Variants in KIAA1549L observed in about 807,000 individuals in gnomAD.
KIAA1549L encodes the protein UPF0606 protein KIAA1549L.
In KIAA1549L, 88 loss-of-function variants were observed where a neutral mutation model predicts 160.7. That is an observed-to-expected ratio of 0.55 (90% CI 0.46 to 0.65). KIAA1549L has a LOEUF of 0.65. KIAA1549L is among the 30% of genes least tolerant of loss of function. The pLI, the probability that KIAA1549L is intolerant of heterozygous loss-of-function variation, is 0.00. For synonymous variants in KIAA1549L, 950 were observed against 976.7 expected, an observed-to-expected ratio of 0.97 and a Z score of 0.51; for missense variants, 2,258 against 2,437.5, an observed-to-expected ratio of 0.93 and a Z score of 1.55.
At chr11:33,581,629 C>T (rs1335877243) in intron 10 of KIAA1549L, among the ~76,000 whole-genome samples, 6 of 152,130 alleles carry the variant, frequency 3.9e-5, no homozygotes, top group African/African-American at 9.7e-5. Context: ...AGTAGGCACT[C>T]GGGAAATGGG....
At chr11:33,614,348 G>A (rs1466831366) in intron 15 of KIAA1549L, among the ~76,000 whole-genome samples, 2 of 150,150 alleles carry the variant, frequency 1.3e-5, no homozygotes, top group Non-Finnish European at 3.0e-5. Flanking sequence ...TGCTCTATAT[G>A]GTCTCACAGG....
intron 4 of KIAA1549L, 72 bp downstream of exon 4, chr11:33,547,951 G>A: frequency 1.0e-6 from 1 of 976,902 alleles, no homozygotes; most frequent in East Asian, 2.6e-5. Context: ...TGTTTAGATT[G>A]TTTTCCTCCT....
intron 1 of KIAA1549L, among the ~76,000 whole-genome samples, chr11:33,486,409 A>G (rs57293399): frequency 0.019 from 2,833 of 152,212 alleles, 77 homozygotes; most frequent in African/African-American, 0.062. Flanking sequence ...TGGTTTTTCA[A>G]TTGTTTCTCT....
intron 1 of KIAA1549L, among the ~76,000 whole-genome samples, chr11:33,438,930 A>G (rs558020345): frequency 5.6e-4 from 79 of 142,094 alleles, no homozygotes; most frequent in African/African-American, 1.9e-3. Flanking sequence ...GAATTTATTT[A>G]TTTATTTATT....
intron 1 of KIAA1549L, among the ~76,000 whole-genome samples, chr11:33,389,826 G>T (rs1436697874): frequency 6.6e-6 from 1 of 152,208 alleles, no homozygotes; most frequent in South Asian, 2.1e-4. Context: ...CTAAGAGAGG[G>T]TTGAGAAAGT....
At chr11:33,661,633 A>G (rs1233177145) in intron 20 of KIAA1549L, among the ~76,000 whole-genome samples, 2 of 152,190 alleles carry the variant, frequency 1.3e-5, no homozygotes, top group African/African-American at 4.8e-5. Context: ...TAATCCCACC[A>G]CTTTGGGAGG....
chr11:33,394,246 TGTG>T (rs1412670608), intron 1 of KIAA1549L, among the ~76,000 whole-genome samples: 4 of 151,952 alleles, frequency 2.6e-5, no homozygotes, highest in Non-Finnish European at 5.9e-5. Flanking sequence ...ATTAGCTTGG[TGTG>T]GTGGTGTGCA....
intron 1 of KIAA1549L, among the ~76,000 whole-genome samples, chr11:33,397,917 CTTTT>C (rs67993981): frequency 8.7e-6 from 1 of 115,468 alleles, no homozygotes; most frequent in African/African-American, 3.2e-5. Flanking sequence ...GGTGGTTGGC[CTTTT>C]TTTTTTTTTT....
chr11:33,388,135 G>A (rs1253413007), intron 1 of KIAA1549L, among the ~76,000 whole-genome samples: 1 of 152,172 alleles, frequency 6.6e-6, no homozygotes, highest in Non-Finnish European at 1.5e-5. Flanking sequence ...ATAAAGAACT[G>A]CCCGAGACTG....
intron 16 of KIAA1549L, among the ~76,000 whole-genome samples, chr11:33,621,236 G>A (rs1199944167): frequency 6.6e-6 from 1 of 152,226 alleles, no homozygotes; most frequent in South Asian, 2.1e-4. Context: ...AGCATGGATT[G>A]TTGCACAATT....
intron 11 of KIAA1549L, among the ~76,000 whole-genome samples, chr11:33,589,344 T>A (rs1185504205): frequency 6.6e-6 from 1 of 152,170 alleles, no homozygotes; most frequent in Non-Finnish European, 1.5e-5. Flanking sequence ...ATTGTGGAAG[T>A]CGGTGTGGCG....
At chr11:33,433,787 A>C (rs1451663033) in intron 1 of KIAA1549L, among the ~76,000 whole-genome samples, 1 of 152,220 alleles carries the variant, frequency 6.6e-6, no homozygotes. Flanking sequence ...TGTTCTTTGC[A>C]GAGACTTAGA....
chr11:33,397,743 CA>C (rs1850412742), intron 1 of KIAA1549L, among the ~76,000 whole-genome samples: 1 of 133,426 alleles, frequency 7.5e-6, no homozygotes. Context: ...CACACACACA[CA>C]CACACACACA....
At chr11:33,448,666 G>A (rs530256724) in intron 1 of KIAA1549L, among the ~76,000 whole-genome samples, 1 of 152,288 alleles carries the variant, frequency 6.6e-6, no homozygotes, top group African/African-American at 2.4e-5. Flanking sequence ...GTGCGGGAAC[G>A]CTGGCATGCC....
At chr11:33,603,302 T>C (rs1850410273) in intron 13 of KIAA1549L, among the ~76,000 whole-genome samples, 1 of 140,624 alleles carries the variant, frequency 7.1e-6, no homozygotes, top group Admixed American at 7.4e-5. Flanking sequence ...TAAATCAGTA[T>C]AACATATCAG....
At chr11:33,518,425 G>C (rs747550176) in intron 1 of KIAA1549L, among the ~76,000 whole-genome samples, 10 of 152,142 alleles carry the variant, frequency 6.6e-5, no homozygotes, top group Non-Finnish European at 1.2e-4. Context: ...TCTTTCCCTT[G>C]AGTATGATCC....
intron 11 of KIAA1549L, among the ~76,000 whole-genome samples, chr11:33,586,168 C>T (rs1849864574): frequency 6.6e-6 from 1 of 152,206 alleles, no homozygotes. Flanking sequence ...TTAGCCTTCA[C>T]CGCCAAGCCT....
chr11:33,518,570 G>A (rs1351975609), intron 1 of KIAA1549L, among the ~76,000 whole-genome samples: 1 of 152,160 alleles, frequency 6.6e-6, no homozygotes, highest in Non-Finnish European at 1.5e-5. Flanking sequence ...CTCTGGCTTT[G>A]TCCCTTGTAT....
At chr11:33,473,651 A>G (rs1477145534) in intron 1 of KIAA1549L, among the ~76,000 whole-genome samples, 2 of 152,088 alleles carry the variant, frequency 1.3e-5, no homozygotes, top group Non-Finnish European at 2.9e-5. Flanking sequence ...AAGGCTCTCC[A>G]CCATTTGGTC....
Sources: allele counts gnomAD v4.1 joint callset (sites outside exome capture counted in the v4.1 genomes callset), GRCh38; gene constraint gnomAD v4.1.1; transcripts MANE v1.5; gene names NCBI Gene and HGNC (gene_info 2026-07-23, HGNC 2026-07-21).